Variants in IPMK observed in about 807,000 individuals in gnomAD.
IPMK encodes the protein inositol 1,3,4,6-tetrakisphosphate 5-kinase.
A neutral mutation model predicts 45.8 loss-of-function variants in IPMK; 17 were observed. The observed-to-expected ratio is 0.37, with a 90% CI of 0.25 to 0.56. The LOEUF (loss-of-function observed/expected upper bound fraction) is 0.56, where lower values mean the gene tolerates loss of function less well. Ranked by LOEUF, IPMK falls within the 20% of genes least tolerant of loss-of-function variation. The pLI, the probability that IPMK is intolerant of heterozygous loss-of-function variation, is 0.79. For synonymous variants in IPMK, 180 were observed against 184.3 expected, an observed-to-expected ratio of 0.98 and a Z score of 0.19; for missense variants, 399 against 498.0, an observed-to-expected ratio of 0.80 and a Z score of 1.89.
intron 3 of IPMK, among the ~76,000 whole-genome samples, chr10:58,225,826 G>A (rs552836643): frequency 1.3e-5 from 2 of 151,852 alleles, no homozygotes; most frequent in East Asian, 1.9e-4. Flanking sequence ...TCCACTTACA[G>A]CAAAGAGGGA....
intron 1 of IPMK, among the ~76,000 whole-genome samples, chr10:58,245,864 G>T (rs1434566289): frequency 1.4e-5 from 2 of 144,300 alleles, no homozygotes; most frequent in African/African-American, 5.6e-5. Context: ...AAGTCAAATT[G>T]TCCCTGTTTG....
At chr10:58,202,204 T>C (rs1211630038) in intron 4 of IPMK, among the ~76,000 whole-genome samples, 2 of 152,216 alleles carry the variant, frequency 1.3e-5, no homozygotes, top group Non-Finnish European at 2.9e-5. Context: ...TCAATGTAGA[T>C]GAAACGGCCT....
chr10:58,244,916 G>C (rs1394178790), intron 1 of IPMK, among the ~76,000 whole-genome samples: 1 of 152,018 alleles, frequency 6.6e-6, no homozygotes, highest in Non-Finnish European at 1.5e-5. Flanking sequence ...AAAGGCCGCA[G>C]GGACCTCTGC....
intron 1 of IPMK, among the ~76,000 whole-genome samples, chr10:58,247,701 T>A (rs980913393): frequency 6.6e-6 from 1 of 152,178 alleles, no homozygotes; most frequent in Admixed American, 6.6e-5. Flanking sequence ...ATATACCTAA[T>A]GCTAGATGGC....
intron 1 of IPMK, among the ~76,000 whole-genome samples, chr10:58,246,499 G>A (rs1209359443): frequency 1.4e-5 from 2 of 142,688 alleles, no homozygotes; most frequent in Middle Eastern, 3.2e-3. Context: ...AAATAACGCC[G>A]CATATCTACA....
chr10:58,196,546 A>G lies in IPMK; in HGVS notation c.781T>C (p.Ser261Pro), dbSNP rs1005862697. ...SSLLFVYEGS[S>P]QPTTTKLNDR... is the part of the protein sequence containing the mutation. ...TTCAATTTTGTAGTGGTTGGCTGAG[A>G]TGAACCTTCATAAACAAAGAGTAAT... Residue 261 changes from serine to proline, a missense_variant, in exon 6 of 6, where the codon TCT becomes CCT. This residue lies in a region of IPMK where 288 missense variants were observed against 398.0 expected (regional missense o/e 0.72). Coordinates refer to ENST00000373935, the MANE Select transcript of IPMK (RefSeq NM_152230.5). The G allele has an allele frequency of 1.9e-6, 3 of 1,613,954 alleles. No individual in the cohort carries two copies. In the African/African-American group the frequency reaches 4.0e-5, roughly 22 times the overall value.
intron 4 of IPMK, among the ~76,000 whole-genome samples, chr10:58,210,776 C>G (rs1208568983): frequency 2.0e-5 from 3 of 152,196 alleles, no homozygotes; most frequent in African/African-American, 7.2e-5. Context: ...GGTCTTCCCC[C>G]CTCACACTTT....
At position 58,192,617 on chromosome 10, in the gene IPMK, A is replaced by T. The variant is rs1837833939; in HGVS notation, c.*3459T>A. ...CACCCCATCCAAAGAGAATGCTGAA[A>T]ATGGTTAGGGCCTTATCCGTTTGGT... On this transcript the variant is annotated 3_prime_UTR_variant, in exon 6 of 6. Coordinates refer to ENST00000373935, the MANE Select transcript of IPMK (RefSeq NM_152230.5). 1 of 151,984 alleles carries T rather than the reference A, an allele frequency of 6.6e-6. No individual in the cohort carries two copies. The highest frequency in any genetic ancestry group is 2.1e-4 in the South Asian group (1 of 4,830). The allele number at this position is 151,984 out of a possible 1,614,324, so 9.4% of individuals were successfully genotyped here.
At position 58,212,050 on chromosome 10, in the gene IPMK, C is replaced by A. The variant is rs187040878; in HGVS notation, c.546+4095G>T. On this transcript the variant is annotated intron_variant, in intron 4 of 5. Transcript: ENST00000373935. ...TCTTAGTAATCTCTTCCAGAGTCAACTACTTCCATTGTAGGTGATAAAATG... is the reference window on the plus strand; with the variant it reads ...TCTTAGTAATCTCTTCCAGAGTCAAATACTTCCATTGTAGGTGATAAAATG... Among the ~76,000 whole-genome samples, 646 of 151,980 alleles carry A rather than the reference C, an allele frequency of 4.3e-3. 14 individuals are homozygous for A. Among genetic ancestry groups the A allele is most frequent in the Admixed American group, 0.035 (527 of 15,266 alleles).
chr10:58,216,016 G>T lies in IPMK; in HGVS notation c.546+129C>A. On this transcript the variant is annotated intron_variant, in intron 4 of 5. Transcript: ENST00000373935. ...TCCTTGCCCTCACTTTTCACATTGG[G>T]GAGTTACAGACAACTCAATTCCAAA... The T allele has an allele frequency of 8.0e-6, 5 of 622,932 alleles. 1 individual carries two copies. In the South Asian group the frequency reaches 2.5e-4, roughly 32 times the overall value. The allele number at this position is 622,932 out of a possible 1,614,324, so 38.6% of individuals were successfully genotyped here. A position where few individuals can be genotyped will look rare whatever the true frequency, so the allele number is the denominator to read the frequency against.
At chr10:58,262,722 G>C (rs1046735741) in intron 1 of IPMK, among the ~76,000 whole-genome samples, 3 of 152,160 alleles carry the variant, frequency 2.0e-5, no homozygotes, top group Non-Finnish European at 4.4e-5. Flanking sequence ...GACCATTTGA[G>C]CAACAAAATA....
chr10:58,202,067 C>A (rs956477245), intron 4 of IPMK, among the ~76,000 whole-genome samples: 2 of 152,176 alleles, frequency 1.3e-5, no homozygotes. Flanking sequence ...TATGGAAAGA[C>A]GTTGTTTTTA....
At chr10:58,252,606 CTTTTCT>C (rs1286675727) in intron 1 of IPMK, among the ~76,000 whole-genome samples, 8 of 126,444 alleles carry the variant, frequency 6.3e-5, no homozygotes, top group African/African-American at 2.1e-4. Context: ...CAAGAGTTTT[CTTTTCT>C]TTTTTTTTTT....
In IPMK at chr10:58,227,067, A is replaced by G; in HGVS notation, c.349T>C (p.Trp117Arg). Residue 117 changes from tryptophan to arginine, a missense_variant, in exon 3 of 6, where the codon TGG (tryptophan) becomes CGG (arginine). Transcript: ENST00000373935. ...CCGTTTGGTGCAGTGGGAGGTGACC[A>G]GATGCCATAATATTTTGGCAAATAT... The part of the protein sequence containing the change: ...RKYLPKYYGI[W>R]SPPTAPNDLY... 1 of 1,612,302 alleles carries G rather than the reference A, an allele frequency of 6.2e-7. No individual in the cohort carries two copies. Among genetic ancestry groups the G allele is most frequent in the Non-Finnish European group, 8.5e-7 (1 of 1,178,698 alleles).
At chr10:58,217,596 G>C (rs1418809170) in intron 3 of IPMK, among the ~76,000 whole-genome samples, 1 of 148,164 alleles carries the variant, frequency 6.7e-6, no homozygotes. Flanking sequence ...GCTGAGGCAG[G>C]AGAATGGCTT....
chr10:58,236,314 A>G (rs1838612536), intron 2 of IPMK, among the ~76,000 whole-genome samples: 1 of 152,226 alleles, frequency 6.6e-6, no homozygotes, highest in Non-Finnish European at 1.5e-5. Context: ...TAAATGAAAC[A>G]TATCAAAAGC....
At chr10:58,198,986 GT>G (rs1186419139) in intron 5 of IPMK, among the ~76,000 whole-genome samples, 1 of 151,656 alleles carries the variant, frequency 6.6e-6, no homozygotes, top group Non-Finnish European at 1.5e-5. Flanking sequence ...GTACACAGCT[GT>G]TCATTTTTTT....
chr10:58,221,066 T>A (rs113589451), intron 3 of IPMK, among the ~76,000 whole-genome samples: 2,697 of 152,322 alleles, frequency 0.018, 89 homozygotes, highest in African/African-American at 0.059. Flanking sequence ...ATGCACTTGA[T>A]AATGGATATT....
intron 1 of IPMK, among the ~76,000 whole-genome samples, chr10:58,244,294 A>C (rs1336625188): frequency 7.4e-5 from 5 of 67,464 alleles, no homozygotes; most frequent in African/African-American, 3.2e-4. Flanking sequence ...CCGTCGGGGA[A>C]GTGGGCGCCT....
Sources: gnomAD v4.1 joint callset for allele counts (sites outside exome capture counted in the v4.1 genomes callset) on GRCh38, gnomAD v4.1.1 for gene constraint, gnomAD v4.1.1 regional missense constraint, MANE v1.5 for transcripts, NCBI Gene and HGNC (gene_info 2026-07-23, HGNC 2026-07-21) for gene names.